Variants in MRAS observed in about 807,000 individuals in gnomAD.
The protein encoded by MRAS is muscle RAS oncogene homolog, also known as ras-related protein M-Ras.
MRAS carries 4 observed loss-of-function variants against 20.9 expected under a neutral mutation model. The ratio of observed to expected loss-of-function variants is 0.19; its 90% CI spans 0.09 to 0.44. The LOEUF (loss-of-function observed/expected upper bound fraction) is 0.44, where lower values mean the gene tolerates loss of function less well. Ranked by LOEUF, MRAS falls within the 20% of genes least tolerant of loss-of-function variation. The pLI is 0.99. For synonymous variants in MRAS, 98 were observed against 102.9 expected (o/e 0.95, Z 0.29); for missense variants, 154 against 277.5 (o/e 0.56, Z 3.16).
At chr3:138,361,392 G>A (rs2054444329) in intron 1 of MRAS, among the ~76,000 whole-genome samples, 1 of 152,218 alleles carries the variant, frequency 6.6e-6, no homozygotes, top group Admixed American at 6.5e-5. Context: ...AGTGGTGGGT[G>A]GGACAATGCT....
intron 2 of MRAS, among the ~76,000 whole-genome samples, chr3:138,389,951 G>A (rs1051253647): frequency 6.6e-5 from 10 of 152,058 alleles, no homozygotes; most frequent in African/African-American, 2.4e-4. Context: ...GGGTGGAAGA[G>A]GGGGAGAAGG....
At chr3:138,359,826 C>T (rs905063458) in intron 1 of MRAS, among the ~76,000 whole-genome samples, 12 of 152,154 alleles carry the variant, frequency 7.9e-5, no homozygotes, top group Non-Finnish European at 2.9e-5. Flanking sequence ...TTAGAACGGC[C>T]GTGCCACTCA....
At chr3:138,353,065 G>C (rs1054309242) in intron 1 of MRAS, among the ~76,000 whole-genome samples, 4 of 152,156 alleles carry the variant, frequency 2.6e-5, no homozygotes, top group Non-Finnish European at 4.4e-5. Context: ...GTATTAAGTC[G>C]AGTCACACCC....
chr3:138,391,930 G>A (rs536949180), intron 2 of MRAS, among the ~76,000 whole-genome samples: 12 of 152,324 alleles, frequency 7.9e-5, no homozygotes, highest in African/African-American at 2.6e-4. Context: ...ACGAGGTCAG[G>A]AGATTGAGAC....
chr3:138,386,002 A>T (rs1172551856), intron 2 of MRAS, among the ~76,000 whole-genome samples: 1 of 152,132 alleles, frequency 6.6e-6, no homozygotes, highest in Admixed American at 6.5e-5. Flanking sequence ...CATCCACCCT[A>T]GCGAGAGGGC....
At chr3:138,390,719 A>G (rs2055115912) in intron 2 of MRAS, among the ~76,000 whole-genome samples, 1 of 152,198 alleles carries the variant, frequency 6.6e-6, no homozygotes, top group Non-Finnish European at 1.5e-5. Flanking sequence ...CCCACTTGGG[A>G]CCAGGCCCAG....
intron 1 of MRAS, among the ~76,000 whole-genome samples, chr3:138,371,851 T>G (rs1165723470): frequency 6.6e-6 from 1 of 152,186 alleles, no homozygotes; most frequent in Admixed American, 6.5e-5. Context: ...CCACAGATCC[T>G]GGTTTCCCTC....
At chr3:138,397,551 C>CT in intron 3 of MRAS, 74 bp downstream of exon 3, 1 of 1,466,620 alleles carries the variant, frequency 6.8e-7, no homozygotes, top group Non-Finnish European at 9.3e-7. Context: ...CTCTCTCTCT[C>CT]TTTCTCTTTC....
intron 2 of MRAS, among the ~76,000 whole-genome samples, chr3:138,390,666 T>A (rs1163992664): frequency 1.3e-5 from 2 of 151,586 alleles, no homozygotes; most frequent in Non-Finnish European, 2.9e-5. Flanking sequence ...CATTTGCAGG[T>A]GTATGTGTGT....
At position 138,398,342 on chromosome 3, in the gene MRAS, G is replaced by A. The variant is rs144753740; in HGVS notation, c.348-127G>A. The stretch of plus-strand genomic sequence containing the variant: ...TCTGGAAAGGAAGAGGGAAGGGACT[G>A]CAGTCCAGGCTGACTGGGGAGGTGC... On this transcript the variant is annotated intron_variant, in intron 3 of 5. Transcript: ENST00000423968. 13 of 744,810 alleles carry A rather than the reference G, an allele frequency of 1.7e-5. No homozygotes were observed. The East Asian group carries it at 2.5e-4, about 14-fold the overall frequency. The allele number at this position is 744,810 out of a possible 1,614,324, so 46.1% of individuals were successfully genotyped here.
intron 2 of MRAS, among the ~76,000 whole-genome samples, chr3:138,395,062 C>T (rs776022192): frequency 4.0e-5 from 6 of 151,544 alleles, no homozygotes; most frequent in Non-Finnish European, 8.8e-5. Flanking sequence ...TTTTTTCAGA[C>T]GGAGTTTTGC....
At chr3:138,363,961 T>A (rs1419166306) in intron 1 of MRAS, among the ~76,000 whole-genome samples, 2 of 151,976 alleles carry the variant, frequency 1.3e-5, no homozygotes, top group African/African-American at 2.4e-5. Flanking sequence ...CACATTCTCT[T>A]TGGTGAACAA....
intron 1 of MRAS, among the ~76,000 whole-genome samples, chr3:138,368,912 G>A (rs1008627063): frequency 6.6e-6 from 1 of 152,166 alleles, no homozygotes; most frequent in Non-Finnish European, 1.5e-5. Context: ...GGGGGCCGGA[G>A]AAACATGCCT....
At chr3:138,371,717 G>A (rs1416931024) in intron 1 of MRAS, among the ~76,000 whole-genome samples, 1 of 152,160 alleles carries the variant, frequency 6.6e-6, no homozygotes, top group Non-Finnish European at 1.5e-5. Context: ...TCCACAGTTA[G>A]TTAGCAGTTT....
intron 2 of MRAS, among the ~76,000 whole-genome samples, chr3:138,386,061 T>G (rs981820758): frequency 7.9e-5 from 12 of 152,112 alleles, no homozygotes; most frequent in African/African-American, 2.7e-4. Flanking sequence ...ATTTTTTTCC[T>G]CATATAACTT....
intron 1 of MRAS, among the ~76,000 whole-genome samples, chr3:138,361,188 A>G: frequency 6.6e-6 from 1 of 152,138 alleles, no homozygotes; most frequent in African/African-American, 2.4e-5. Context: ...GGGGGATAGG[A>G]CCTGACACTT....
At chr3:138,357,395 CCA>C (rs1333788834) in intron 1 of MRAS, among the ~76,000 whole-genome samples, 1 of 152,244 alleles carries the variant, frequency 6.6e-6, no homozygotes, top group African/African-American at 2.4e-5. Flanking sequence ...GTGTGAATCT[CCA>C]CCTCTATAGC....
chr3:138,387,979 A>G (rs2055052385), intron 2 of MRAS, among the ~76,000 whole-genome samples: 2 of 152,150 alleles, frequency 1.3e-5, no homozygotes, highest in South Asian at 4.1e-4. Context: ...TGTTTTCCTT[A>G]AGCCAGGGTG....
At chr3:138,377,914 G>A (rs139498304) in intron 2 of MRAS, among the ~76,000 whole-genome samples, 19 of 152,366 alleles carry the variant, frequency 1.2e-4, no homozygotes, top group South Asian at 6.2e-4. Flanking sequence ...AAATGCTATC[G>A]TGGTAGTTGC....
Sources: gnomAD v4.1 joint callset for allele counts (sites outside exome capture counted in the v4.1 genomes callset) on GRCh38, gnomAD v4.1.1 for gene constraint, MANE v1.5 for transcripts, NCBI Gene and HGNC (gene_info 2026-07-23, HGNC 2026-07-21) for gene names.